AHCYL2: variants seen among roughly 807,000 people sequenced by gnomAD.
AHCYL2 encodes the protein S-adenosylhomocysteine hydrolase-like protein 2.
AHCYL2 carries 28 observed loss-of-function variants against 81.4 expected under a neutral mutation model. The observed-to-expected ratio is 0.34, with a 90% CI of 0.25 to 0.47. AHCYL2 has a LOEUF of 0.47. Ranked by LOEUF, AHCYL2 falls within the 20% of genes least tolerant of loss-of-function variation. The pLI is 1.00. For missense variants in AHCYL2, 551 were observed against 785.1 expected, an observed-to-expected ratio of 0.70 and a Z score of 3.56; for synonymous variants, 272 against 290.2, an observed-to-expected ratio of 0.94 and a Z score of 0.64.
chr7:129,262,246 A>C (rs1203677110), intron 1 of AHCYL2, among the ~76,000 whole-genome samples: 2 of 152,196 alleles, frequency 1.3e-5, no homozygotes, highest in Non-Finnish European at 2.9e-5. Flanking sequence ...ACATACTTTG[A>C]GGGTTAGAAA....
intron 2 of AHCYL2, among the ~76,000 whole-genome samples, chr7:129,381,103 T>C (rs1373913034): frequency 6.6e-6 from 1 of 152,190 alleles, no homozygotes; most frequent in Non-Finnish European, 1.5e-5. Flanking sequence ...AATGTAACTC[T>C]GGAAACCACA....
At chr7:129,309,451 G>A (rs1314369478) in intron 1 of AHCYL2, among the ~76,000 whole-genome samples, 1 of 147,518 alleles carries the variant, frequency 6.8e-6, no homozygotes, top group Non-Finnish European at 1.5e-5. Flanking sequence ...AAGGTGAGAG[G>A]ATCACTTGAG....
chr7:129,344,758 C>G (rs1793301511), intron 1 of AHCYL2, among the ~76,000 whole-genome samples: 1 of 152,046 alleles, frequency 6.6e-6, no homozygotes, highest in Non-Finnish European at 1.5e-5. Flanking sequence ...GCTAAATAAG[C>G]TACCAGGTCA....
chr7:129,268,316 A>G (rs1795886972), intron 1 of AHCYL2, among the ~76,000 whole-genome samples: 1 of 152,250 alleles, frequency 6.6e-6, no homozygotes, highest in Admixed American at 6.5e-5. Context: ...TGAAGGCAGC[A>G]TTAGGGAGTT....
chr7:129,285,926 G>T (rs1796615651), intron 1 of AHCYL2, among the ~76,000 whole-genome samples: 1 of 151,820 alleles, frequency 6.6e-6, no homozygotes, highest in Admixed American at 6.6e-5. Context: ...TGCCCAAGCT[G>T]GTCTCAAATT....
rs1246028634 is a variant in AHCYL2, at chr7:129,419,058, GTAGGA to G, written c.1462-3781_1462-3777del. On this transcript the variant is annotated intron_variant, in intron 12 of 16. Coordinates refer to ENST00000325006, the MANE Select transcript of AHCYL2 (RefSeq NM_015328.4). This position sits in a 1 kb window ranked among gnomAD's most constrained non-coding sequence, Gnocchi z 4.7. ...TTAAAGAGTTTTTTTTCCTTTTTTG[GTAGGA>G]ATTCATAGTTTAACCTTGAGATGTT... Among the ~76,000 whole-genome samples the G allele has an allele frequency of 6.6e-6, 1 of 151,936 alleles. No homozygotes were observed. The highest frequency in any genetic ancestry group is 1.5e-5 in the Non-Finnish European group (1 of 67,984).
At chr7:129,367,121 C>A (rs1273005926) in intron 1 of AHCYL2, among the ~76,000 whole-genome samples, 1 of 152,150 alleles carries the variant, frequency 6.6e-6, no homozygotes, top group South Asian at 2.1e-4. Flanking sequence ...TGAATAGAAT[C>A]GGAGGCAGGT....
chr7:129,423,914 A>G (rs1031725490), intron 13 of AHCYL2, among the ~76,000 whole-genome samples: 19 of 152,188 alleles, frequency 1.2e-4, no homozygotes, highest in African/African-American at 4.1e-4. Flanking sequence ...CCAAATATGC[A>G]TTAATAGCTT....
chr7:129,398,155 T>C (rs2150922654), intron 5 of AHCYL2, among the ~76,000 whole-genome samples: 1 of 151,924 alleles, frequency 6.6e-6, no homozygotes, highest in East Asian at 1.9e-4. Context: ...ACTTCAGGCA[T>C]GTGCCACCAT....
intron 1 of AHCYL2, among the ~76,000 whole-genome samples, chr7:129,233,826 C>G (rs1794536930): frequency 6.6e-6 from 1 of 152,136 alleles, no homozygotes; most frequent in African/African-American, 2.4e-5. Flanking sequence ...TTTAACCAGT[C>G]ATAGGCTTTA....
chr7:129,260,191 C>T (rs1168734939), intron 1 of AHCYL2, among the ~76,000 whole-genome samples: 1 of 151,588 alleles, frequency 6.6e-6, no homozygotes, highest in East Asian at 1.9e-4. Flanking sequence ...TTTTAAGTTT[C>T]CTTCCTCCTA....
intron 1 of AHCYL2, among the ~76,000 whole-genome samples, chr7:129,322,824 G>A (rs1798087560): frequency 6.6e-6 from 1 of 152,144 alleles, no homozygotes; most frequent in South Asian, 2.1e-4. Context: ...TCCTGAGCTT[G>A]AGCTCAAGTG....
chr7:129,290,890 A>ACT (rs1369778260), intron 1 of AHCYL2, among the ~76,000 whole-genome samples: 1 of 151,718 alleles, frequency 6.6e-6, no homozygotes, highest in Non-Finnish European at 1.5e-5. Context: ...AGATCACGCC[A>ACT]CTGCACTCTA....
At chr7:129,235,833 A>G (rs774465700) in intron 1 of AHCYL2, among the ~76,000 whole-genome samples, 9 of 152,104 alleles carry the variant, frequency 5.9e-5, no homozygotes, top group Non-Finnish European at 1.3e-4. Context: ...TGCTCAATTA[A>G]TTTCCTAAGT....
rs7802714 is a variant in AHCYL2, at chr7:129,414,171, G to T, written c.1461+483G>T. On this transcript the variant is annotated intron_variant, in intron 12 of 16. Coordinates refer to ENST00000325006, the MANE Select transcript of AHCYL2 (RefSeq NM_015328.4). ...TTGACTGTGTGTATCAAATACTGCG[G>T]TTTCTTCTTTTATCCCTCTCTTTTA... Among the ~76,000 whole-genome samples, 1,047 of 152,250 alleles carry T rather than the reference G, an allele frequency of 6.9e-3. 12 individuals are homozygous for T. Among genetic ancestry groups the T allele is most frequent in the African/African-American group, 0.023 (956 of 41,548 alleles).
chr7:129,258,241 T>C (rs1176636354), intron 1 of AHCYL2, among the ~76,000 whole-genome samples: 6 of 146,090 alleles, frequency 4.1e-5, no homozygotes, highest in Non-Finnish European at 9.1e-5. Flanking sequence ...TTTTTTTTTT[T>C]TTTTGCCTTT....
intron 1 of AHCYL2, 41 bp downstream of exon 1, chr7:129,225,480 G>A (rs188817853): frequency 1.2e-5 from 18 of 1,467,486 alleles, no homozygotes; most frequent in Non-Finnish European, 1.4e-5. Flanking sequence ...GGAAGGGAGG[G>A]GAGGGGAACT....
chr7:129,321,929 C>A (rs1449037126), intron 1 of AHCYL2, among the ~76,000 whole-genome samples: 1 of 151,802 alleles, frequency 6.6e-6, no homozygotes, highest in Non-Finnish European at 1.5e-5. Flanking sequence ...GCACATGCCA[C>A]CATGCCCACC....
chr7:129,397,391 C>A, intron 5 of AHCYL2, 67 bp downstream of exon 5: 1 of 1,421,118 alleles, frequency 7.0e-7, no homozygotes, highest in Non-Finnish European at 9.7e-7. Context: ...TATGTTTCAG[C>A]ATAAATCTTT....
Sources: gnomAD v4.1 joint callset for allele counts (sites outside exome capture counted in the v4.1 genomes callset) on GRCh38, gnomAD v4.1.1 for gene constraint, Gnocchi (gnomAD v3.1) non-coding constraint, MANE v1.5 for transcripts, NCBI Gene and HGNC (gene_info 2026-07-23, HGNC 2026-07-21) for gene names.